MCMBP: variants seen among roughly 807,000 people sequenced by gnomAD.
The protein encoded by MCMBP is minichromosome maintenance complex binding protein.
MCMBP carries 31 observed loss-of-function variants against 81.3 expected under a neutral mutation model. That is an observed-to-expected ratio of 0.38 (90% CI 0.29 to 0.51). The LOEUF (loss-of-function observed/expected upper bound fraction) is 0.51, where lower values mean the gene tolerates loss of function less well. Among genes scored for constraint, MCMBP ranks in the 20% least tolerant of loss-of-function variants. The pLI, the probability that MCMBP is intolerant of heterozygous loss-of-function variation, is 0.87. For missense variants in MCMBP, 645 were observed against 772.1 expected (o/e 0.84, Z 1.95); for synonymous variants, 267 against 275.9 (o/e 0.97, Z 0.32).
chr10:119,859,398 T>C (rs1853167659), intron 2 of MCMBP, among the ~76,000 whole-genome samples: 2 of 152,182 alleles, frequency 1.3e-5, no homozygotes, highest in African/African-American at 4.8e-5. Context: ...TTAGATAACA[T>C]TTGACCACAA....
In MCMBP at chr10:119,831,390, A is replaced by T; in HGVS notation, c.*84T>A. On this transcript the variant is annotated 3_prime_UTR_variant, in exon 16 of 16. Transcript: ENST00000369077. ...CTGGTTTGTGATAGAAATTACCTAT[A>T]AAACAATGTGGTATAAATGAATATC... 6.6e-7 allele frequency: 1 copy of T among 1,524,200 alleles called. No individual in the cohort carries two copies. The highest frequency in any genetic ancestry group is 9.0e-7 in the Non-Finnish European group (1 of 1,116,096). 94.4% of individuals were successfully genotyped at this position (1,524,200 alleles called of 1,614,324 possible). A position where few individuals can be genotyped will look rare whatever the true frequency, so the allele number is the denominator to read the frequency against.
At chr10:119,852,451 G>A (rs1169070764) in intron 6 of MCMBP, among the ~76,000 whole-genome samples, 1 of 152,198 alleles carries the variant, frequency 6.6e-6, no homozygotes, top group East Asian at 1.9e-4. Flanking sequence ...GATATAGAAG[G>A]ATCACCTGAG....
chr10:119,864,009 A>G (rs1414383315), intron 1 of MCMBP, among the ~76,000 whole-genome samples: 2 of 151,430 alleles, frequency 1.3e-5, no homozygotes, highest in Non-Finnish European at 3.0e-5. Flanking sequence ...TTGAACTTAA[A>G]AAAAAAAACA....
At chr10:119,862,040 C>A (rs1465677935) in intron 1 of MCMBP, among the ~76,000 whole-genome samples, 1 of 152,178 alleles carries the variant, frequency 6.6e-6, no homozygotes, top group Non-Finnish European at 1.5e-5. Flanking sequence ...GGTGCGGTGG[C>A]TCACACCTGT....
At chr10:119,843,475 G>C in intron 8 of MCMBP, 49 bp from the exon 9 acceptor site, 1 of 1,556,348 alleles carries the variant, frequency 6.4e-7, no homozygotes, top group Non-Finnish European at 8.8e-7. Flanking sequence ...CAATTGCACA[G>C]ATGCAAAAAT....
At chr10:119,836,031 G>A (rs894040093) in intron 13 of MCMBP, among the ~76,000 whole-genome samples, 2 of 152,116 alleles carry the variant, frequency 1.3e-5, no homozygotes, top group Admixed American at 6.5e-5. Flanking sequence ...GACAAGTTTC[G>A]TCATGTTGTC....
intron 1 of MCMBP, among the ~76,000 whole-genome samples, chr10:119,869,172 G>A (rs1230888161): frequency 3.3e-5 from 5 of 152,238 alleles, no homozygotes; most frequent in African/African-American, 7.2e-5. Flanking sequence ...TGGGTCGGGC[G>A]CGGTGGCTCA....
chr10:119,835,229 AT>A (rs575753215), intron 14 of MCMBP, among the ~76,000 whole-genome samples: 17 of 152,078 alleles, frequency 1.1e-4, no homozygotes, highest in African/African-American at 3.6e-4. Context: ...AGCCACACAA[AT>A]TTTTTTTAAA....
At chr10:119,867,378 A>AT (rs959547788) in intron 1 of MCMBP, among the ~76,000 whole-genome samples, 130 of 144,640 alleles carry the variant, frequency 9.0e-4, no homozygotes, top group South Asian at 4.1e-3. Context: ...CATCATGTTG[A>AT]TTTTTTTTAA....
intron 1 of MCMBP, 23 bp downstream of exon 1, chr10:119,872,504 C>T: frequency 8.5e-6 from 10 of 1,182,562 alleles, no homozygotes; most frequent in East Asian, 4.0e-5. Flanking sequence ...CCGCCCGGCC[C>T]GCCCCCCGGC....
rs112610033 is a variant in MCMBP at position 119,835,565 on chromosome 10, T to C, written c.1682A>G (p.Tyr561Cys). The change falls in exon 14 of 16, where the codon TAT becomes TGT. Residue 561 changes from tyrosine (Y) to cysteine (C), a missense_variant. Coordinates refer to ENST00000369077, the MANE Select transcript of MCMBP (RefSeq NM_001256378.2). ...CTTGGTTATTTCATCAGATATGCTA[T>C]ATTCCAAGAATCTCAAAAGAGTTAG... The part of the protein sequence containing the change: ...IYLTLLRFLE[Y>C]SISDEITKAV... 2 of 1,614,216 alleles carry C rather than the reference T, an allele frequency of 1.2e-6. No individual in the cohort carries two copies. The highest frequency in any genetic ancestry group is 1.7e-5 in the Admixed American group (1 of 60,024).
chr10:119,858,505 T>TA (rs1248655079), intron 4 of MCMBP, among the ~76,000 whole-genome samples: 1 of 150,326 alleles, frequency 6.7e-6, no homozygotes, highest in African/African-American at 2.5e-5. Flanking sequence ...AATGAATATT[T>TA]CATTAAATTT....
At chr10:119,839,920 A>C (rs1476249135) in intron 11 of MCMBP, among the ~76,000 whole-genome samples, 5 of 152,194 alleles carry the variant, frequency 3.3e-5, no homozygotes, top group African/African-American at 1.2e-4. Context: ...ACTACAATAG[A>C]CTGAAGGCAG....
At chr10:119,860,700 T>C (rs889061273) in intron 1 of MCMBP, among the ~76,000 whole-genome samples, 1 of 152,244 alleles carries the variant, frequency 6.6e-6, no homozygotes, top group Non-Finnish European at 1.5e-5. Context: ...TTATATTTCA[T>C]GACATTGCTA....
intron 1 of MCMBP, among the ~76,000 whole-genome samples, chr10:119,870,186 C>T (rs1023562634): frequency 2.6e-5 from 4 of 152,180 alleles, no homozygotes; most frequent in Non-Finnish European, 4.4e-5. Context: ...CAGTGGCTCA[C>T]GCCTGTAATC....
chr10:119,842,562 A>C lies in MCMBP; in HGVS notation c.1034T>G (p.Val345Gly). The change falls in exon 10 of 16, where the codon GTC becomes GGC. Residue 345 changes from valine (V) to glycine (G), a missense_variant. Coordinates refer to ENST00000369077, the MANE Select transcript of MCMBP (RefSeq NM_001256378.2). Reference sequence around the variant, plus strand: ...AAGGAACCCAAGAAGTTCTGCTCTGACTGGAGACAATTCGGACATGAAACT... The same window carrying C: ...AAGGAACCCAAGAAGTTCTGCTCTGCCTGGAGACAATTCGGACATGAAACT... ...VSSFMSELSP[V>G]RAELLGFLTH... 6.2e-7 allele frequency: 1 copy of C among 1,613,716 alleles called. No homozygotes were observed. The highest frequency in any genetic ancestry group is 8.5e-7 in the Non-Finnish European group (1 of 1,179,798).
At chr10:119,862,063 T>C (rs1444711231) in intron 1 of MCMBP, among the ~76,000 whole-genome samples, 2 of 152,106 alleles carry the variant, frequency 1.3e-5, no homozygotes, top group Admixed American at 6.5e-5. Context: ...TTCCAGCACT[T>C]TGGGAGGCCA....
chr10:119,853,719 C>T (rs1852917017), intron 5 of MCMBP, among the ~76,000 whole-genome samples: 1 of 152,156 alleles, frequency 6.6e-6, no homozygotes, highest in Non-Finnish European at 1.5e-5. Context: ...ATATACAAGT[C>T]AAGACTCCCT....
rs1173132021 is a variant in MCMBP, at chr10:119,835,530, C to T, written c.1707+10G>A. The T allele has an allele frequency of 6.2e-7, 1 of 1,607,706 alleles. No individual in the cohort carries two copies. Among genetic ancestry groups the T allele is most frequent in the Non-Finnish European group, 8.5e-7 (1 of 1,175,706 alleles). ...ACACAGGGAAATCCTTTATTTTAAC[C>T]TAGACATACCTTGGTTATTTCATCA... On this transcript the variant is annotated intron_variant, in intron 14 of 15. Coordinates refer to ENST00000369077, the MANE Select transcript of MCMBP (RefSeq NM_001256378.2).
Sources: allele counts gnomAD v4.1 joint callset (sites outside exome capture counted in the v4.1 genomes callset), GRCh38; gene constraint gnomAD v4.1.1; transcripts MANE v1.5; gene names NCBI Gene and HGNC (gene_info 2026-07-23, HGNC 2026-07-21).